The following FMN1 variants were observed in gnomAD, a reference collection of about 807,000 sequenced individuals.
FMN1 encodes formin-1.
A neutral mutation model predicts 132.4 loss-of-function variants in FMN1; 110 were observed. The ratio of observed to expected loss-of-function variants is 0.83; its 90% CI spans 0.71 to 0.97. The LOEUF (loss-of-function observed/expected upper bound fraction) is 0.97, where lower values mean the gene tolerates loss of function less well. Among genes scored for constraint, FMN1 ranks in the 50% least tolerant of loss-of-function variants. The pLI, the probability that FMN1 is intolerant of heterozygous loss-of-function variation, is 0.00. For synonymous variants in FMN1, 722 were observed against 651.7 expected, an observed-to-expected ratio of 1.11 and a Z score of -1.64; for missense variants, 1,792 against 1,705.3, an observed-to-expected ratio of 1.05 and a Z score of -0.90.
chr15:33,057,784 C>T (rs922522328), intron 6 of FMN1, among the ~76,000 whole-genome samples: 2 of 152,074 alleles, frequency 1.3e-5, no homozygotes, highest in African/African-American at 4.8e-5. Context: ...CCGAGTTTAC[C>T]TATTGCAACT....
intron 10 of FMN1, among the ~76,000 whole-genome samples, chr15:32,922,223 T>C (rs78174965): frequency 0.013 from 1,931 of 152,272 alleles, 39 homozygotes; most frequent in African/African-American, 0.044. Context: ...TATACAGTTT[T>C]ATGGAAGGAA....
At position 33,193,943 on chromosome 15, in the gene FMN1, A is replaced by T. The variant is rs923689053; in HGVS notation, c.-231T>A. On this transcript the variant is annotated 5_prime_UTR_variant, in exon 2 of 21. Transcript: ENST00000616417. ...GAGAATCTGCCTTTACAGAACTTGAAGAGCTCTGATGGAGGAACAGAGATG... is the reference window on the plus strand; with the variant it reads ...GAGAATCTGCCTTTACAGAACTTGATGAGCTCTGATGGAGGAACAGAGATG... The T allele has an allele frequency of 2.0e-5, 3 of 152,038 alleles. No homozygotes were observed. The highest frequency in any genetic ancestry group is 4.4e-5 in the Non-Finnish European group (3 of 68,030). The allele number at this position is 152,038 out of a possible 1,614,324, so 9.4% of individuals were successfully genotyped here.
chr15:32,774,970 C>T (rs1317312606), intron 20 of FMN1, among the ~76,000 whole-genome samples: 1 of 152,130 alleles, frequency 6.6e-6, no homozygotes, highest in Non-Finnish European at 1.5e-5. Flanking sequence ...GCACACTACA[C>T]AGAAACATGG....
chr15:33,144,501 G>A (rs1053569412), intron 4 of FMN1, among the ~76,000 whole-genome samples: 9 of 151,962 alleles, frequency 5.9e-5, no homozygotes, highest in African/African-American at 2.2e-4. Flanking sequence ...GCCGGGCGTG[G>A]TGGCAGGTGC....
intron 4 of FMN1, among the ~76,000 whole-genome samples, chr15:33,123,644 T>G (rs1962776706): frequency 6.6e-6 from 1 of 152,164 alleles, no homozygotes; most frequent in Non-Finnish European, 1.5e-5. Flanking sequence ...GCTAGCTATT[T>G]TATAGAATGC....
intron 17 of FMN1, among the ~76,000 whole-genome samples, chr15:32,848,486 A>C (rs1166520349): frequency 2.0e-5 from 3 of 152,226 alleles, no homozygotes; most frequent in Non-Finnish European, 4.4e-5. Context: ...CATAGGAAAC[A>C]AACCAAGGTA....
chr15:32,986,322 G>A (rs1335415461), intron 7 of FMN1, among the ~76,000 whole-genome samples: 4 of 152,038 alleles, frequency 2.6e-5, no homozygotes, highest in East Asian at 1.9e-4. Context: ...AGTGAGAACC[G>A]GAATAAGGGT....
chr15:32,960,878 C>T (rs922702042), intron 9 of FMN1, among the ~76,000 whole-genome samples: 2 of 151,068 alleles, frequency 1.3e-5, no homozygotes, highest in African/African-American at 4.9e-5. Context: ...GCCTGTAATC[C>T]TAGCTACTCG....
intron 10 of FMN1, among the ~76,000 whole-genome samples, chr15:32,917,151 G>C (rs2060704107): frequency 1.3e-5 from 2 of 152,174 alleles, no homozygotes; most frequent in South Asian, 2.1e-4. Flanking sequence ...GTGGAAAGAA[G>C]GGGAGCCAGT....
chr15:33,108,396 G>A (rs1352494382), intron 4 of FMN1, among the ~76,000 whole-genome samples: 1 of 151,790 alleles, frequency 6.6e-6, no homozygotes, highest in Non-Finnish European at 1.5e-5. Flanking sequence ...GTAGGGAAAG[G>A]AGATAATGGC....
In FMN1 at chr15:33,000,290, A is replaced by G. The variant is rs142976928; in HGVS notation, c.2223+7724T>C. On this transcript the variant is annotated intron_variant, in intron 7 of 20. Transcript: ENST00000616417. ...CGGTGAAATCCCGTCTCTACTAAAC[A>G]TACAAAAAATTAGCTGGGTGCAGTG... Among the ~76,000 whole-genome samples, 86 of 152,214 alleles carry G rather than the reference A, an allele frequency of 5.6e-4. 1 individual carries two copies. The East Asian group carries it at 0.015, about 26-fold the overall frequency.
chr15:32,924,137 G>C (rs772793183), intron 10 of FMN1, among the ~76,000 whole-genome samples: 2 of 152,002 alleles, frequency 1.3e-5, no homozygotes, highest in African/African-American at 4.8e-5. Flanking sequence ...AATTCTTCTG[G>C]AAGATCTAAC....
At chr15:32,847,658 T>C (rs1312330793) in intron 17 of FMN1, among the ~76,000 whole-genome samples, 2 of 152,136 alleles carry the variant, frequency 1.3e-5, no homozygotes, top group African/African-American at 4.8e-5. Context: ...ATCGAGACCA[T>C]CCTGGCTAAC....
intron 4 of FMN1, among the ~76,000 whole-genome samples, chr15:33,090,436 T>C (rs1045825138): frequency 1.3e-5 from 2 of 152,172 alleles, no homozygotes; most frequent in African/African-American, 4.8e-5. Context: ...TTTGGTTTAT[T>C]AGTTTTCAAT....
intron 5 of FMN1, among the ~76,000 whole-genome samples, chr15:33,077,419 G>A (rs1345054724): frequency 4.0e-5 from 6 of 148,440 alleles, no homozygotes; most frequent in Non-Finnish European, 3.0e-5. Context: ...CAACATGCAG[G>A]TTTGTTACAT....
intron 6 of FMN1, among the ~76,000 whole-genome samples, chr15:33,013,371 T>C (rs184447018): frequency 5.9e-5 from 9 of 152,282 alleles, no homozygotes; most frequent in Middle Eastern, 3.4e-3. Flanking sequence ...CTAAATGTAA[T>C]AGTCTGATCA....
intron 7 of FMN1, among the ~76,000 whole-genome samples, chr15:33,003,752 A>T (rs540214430): frequency 0.017 from 2,550 of 152,342 alleles, 22 homozygotes; most frequent in South Asian, 0.028. Flanking sequence ...CCTAAGCCAA[A>T]AGAACAAAGC....
At chr15:32,972,662 G>A (rs2031884738) in intron 7 of FMN1, among the ~76,000 whole-genome samples, 1 of 152,094 alleles carries the variant, frequency 6.6e-6, no homozygotes, top group South Asian at 2.1e-4. Context: ...ATCCTTAAGT[G>A]TGGTTCTCTT....
At chr15:33,020,307 T>G (rs1424442838) in intron 6 of FMN1, among the ~76,000 whole-genome samples, 2 of 152,124 alleles carry the variant, frequency 1.3e-5, no homozygotes, top group Non-Finnish European at 2.9e-5. Context: ...CAGAACTGAC[T>G]GCTTGGGAAA....
Sources: gnomAD v4.1 joint callset for allele counts (sites outside exome capture counted in the v4.1 genomes callset) on GRCh38, gnomAD v4.1.1 for gene constraint, MANE v1.5 for transcripts, NCBI Gene and HGNC (gene_info 2026-07-23, HGNC 2026-07-21) for gene names.